SUGCT: variants seen among roughly 807,000 people sequenced by gnomAD.
SUGCT encodes the protein succinyl-CoA:glutarate-CoA transferase.
SUGCT carries 41 observed loss-of-function variants against 55.0 expected under a neutral mutation model. That is an observed-to-expected ratio of 0.74 (90% CI 0.58 to 0.97). The LOEUF is 0.97. Ranked by LOEUF, SUGCT falls within the 50% of genes least tolerant of loss-of-function variation. The pLI is 0.00. For synonymous variants in SUGCT, 187 were observed against 200.4 expected, an observed-to-expected ratio of 0.93 and a Z score of 0.56; for missense variants, 568 against 547.8, an observed-to-expected ratio of 1.04 and a Z score of -0.37.
chr7:40,230,337 T>G (rs1033645288), intron 6 of SUGCT, among the ~76,000 whole-genome samples: 1 of 152,182 alleles, frequency 6.6e-6, no homozygotes, highest in African/African-American at 2.4e-5. Context: ...AGATAAGATA[T>G]AGGTAGTGAG....
intron 12 of SUGCT, among the ~76,000 whole-genome samples, chr7:40,601,610 G>A (rs147677940): frequency 6.6e-6 from 1 of 152,182 alleles, no homozygotes; most frequent in Non-Finnish European, 1.5e-5. Flanking sequence ...GACAACAGCA[G>A]CTCTGCATGA....
At position 40,650,306 on chromosome 7, in the gene SUGCT, A is replaced by G. The variant is rs141396935; in HGVS notation, c.1090-99128A>G. ...TTCTATTCATTAGAAGGGGATAACT[A>G]AATTCAATCTGTGCTCAAAGGGGGG... On this transcript the variant is annotated intron_variant, in intron 12 of 13. Coordinates refer to ENST00000335693, the MANE Select transcript of SUGCT (RefSeq NM_001193313.2). Among the ~76,000 whole-genome samples, 244 of 152,266 alleles carry G rather than the reference A, an allele frequency of 1.6e-3. 1 individual carries two copies. Among genetic ancestry groups the G allele is most frequent in the African/African-American group, 5.7e-3 (236 of 41,542 alleles).
At chr7:40,728,351 T>C (rs1786714964) in intron 12 of SUGCT, among the ~76,000 whole-genome samples, 1 of 152,064 alleles carries the variant, frequency 6.6e-6, no homozygotes, top group East Asian at 1.9e-4. Context: ...AAACACTGTC[T>C]CTACTAAAAA....
chr7:40,244,308 A>G (rs1420629477), intron 7 of SUGCT, among the ~76,000 whole-genome samples: 1 of 152,214 alleles, frequency 6.6e-6, no homozygotes, highest in African/African-American at 2.4e-5. Flanking sequence ...ACATTCCTAG[A>G]CATTCCCAGG....
chr7:40,570,359 A>G (rs1417306581), intron 12 of SUGCT, among the ~76,000 whole-genome samples: 2 of 152,206 alleles, frequency 1.3e-5, no homozygotes, highest in Admixed American at 6.5e-5. Context: ...AGGCCCAGCC[A>G]TGTTGAGAAT....
intron 12 of SUGCT, among the ~76,000 whole-genome samples, chr7:40,675,572 A>G (rs977697022): frequency 6.6e-6 from 1 of 152,212 alleles, no homozygotes; most frequent in African/African-American, 2.4e-5. Flanking sequence ...AGAAACGTCT[A>G]GTGAGGCCAC....
rs117949667 is a variant in SUGCT, at chr7:40,505,444, A to G, written c.1089+9058A>G. ...TTTTTTACCCCTCTGCTGCCACTTT[A>G]TTGCCTTCTTTTGTACTAAGCTGGT... On this transcript the variant is annotated intron_variant, in intron 12 of 13. Transcript: ENST00000335693. 3.4e-4 allele frequency among the ~76,000 whole-genome samples: 51 copies of G among 151,958 alleles called. No individual in the cohort carries two copies. The East Asian group carries it at 8.7e-3, about 26-fold the overall frequency.
intron 13 of SUGCT, among the ~76,000 whole-genome samples, chr7:40,859,460 C>A (rs1563054401): frequency 6.6e-6 from 1 of 152,174 alleles, no homozygotes. Flanking sequence ...CTATTTCCAA[C>A]AGTTCTTAAA....
intron 12 of SUGCT, among the ~76,000 whole-genome samples, chr7:40,662,422 T>A (rs1801376059): frequency 6.6e-6 from 1 of 152,178 alleles, no homozygotes; most frequent in African/African-American, 2.4e-5. Context: ...AATCATCCAA[T>A]CGCTTTTATT....
At chr7:40,250,049 A>T (rs1164040239) in intron 7 of SUGCT, among the ~76,000 whole-genome samples, 1 of 152,110 alleles carries the variant, frequency 6.6e-6, no homozygotes, top group Non-Finnish European at 1.5e-5. Context: ...GGCCTCCCAA[A>T]GTGCTGGGAT....
chr7:40,406,213 C>T (rs73324022), intron 9 of SUGCT, among the ~76,000 whole-genome samples: 1,834 of 152,162 alleles, frequency 0.012, 36 homozygotes, highest in African/African-American at 0.041. Context: ...GTCTGGATGA[C>T]GCCAGCTGGT....
chr7:40,670,191 A>AG (rs1554399139), intron 12 of SUGCT, among the ~76,000 whole-genome samples: 4 of 148,664 alleles, frequency 2.7e-5, no homozygotes, highest in Non-Finnish European at 6.0e-5. Context: ...AAAAAAAAAA[A>AG]AAGAAGAAGA....
the SUGCT span, among the ~76,000 whole-genome samples, chr7:40,999,694 C>T: frequency 3.3e-5 from 5 of 152,088 alleles, no homozygotes; most frequent in African/African-American, 9.7e-5. Flanking sequence ...TTCTAAAGTC[C>T]GCTACCCGAA....
At chr7:41,017,138 T>C in the SUGCT span, among the ~76,000 whole-genome samples, 1 of 152,222 alleles carries the variant, frequency 6.6e-6, no homozygotes, top group African/African-American at 2.4e-5. Flanking sequence ...CTTCAACCTT[T>C]TTTTTTCTTG....
At chr7:40,984,802 C>T in the SUGCT span, among the ~76,000 whole-genome samples, 6 of 152,202 alleles carry the variant, frequency 3.9e-5, no homozygotes, top group South Asian at 4.2e-4. Flanking sequence ...TTTTTGGTAT[C>T]GTGCAGCCTT....
At chr7:40,610,635 C>T (rs907823114) in intron 12 of SUGCT, among the ~76,000 whole-genome samples, 4 of 152,190 alleles carry the variant, frequency 2.6e-5, no homozygotes, top group Non-Finnish European at 5.9e-5. Context: ...ACCTCATCTG[C>T]TCCCCCTTGG....
chr7:40,242,244 G>A (rs1789455661), intron 7 of SUGCT, among the ~76,000 whole-genome samples: 1 of 151,340 alleles, frequency 6.6e-6, no homozygotes, highest in East Asian at 2.0e-4. Context: ...CACAATCTCG[G>A]CTCACTGCAG....
chr7:40,568,320 T>TAC (rs1055802059), intron 12 of SUGCT, among the ~76,000 whole-genome samples: 6 of 151,732 alleles, frequency 4.0e-5, no homozygotes, highest in African/African-American at 4.8e-5. Flanking sequence ...TTATCAGTGA[T>TAC]ACACACACAC....
At chr7:40,429,146 G>A (rs1787758133) in intron 9 of SUGCT, among the ~76,000 whole-genome samples, 1 of 151,328 alleles carries the variant, frequency 6.6e-6, no homozygotes, top group East Asian at 1.9e-4. Flanking sequence ...ATTGTGGCAA[G>A]AGCAGCTAAA....
Sources: allele counts gnomAD v4.1 joint callset (sites outside exome capture counted in the v4.1 genomes callset), GRCh38; gene constraint gnomAD v4.1.1; transcripts MANE v1.5; gene names NCBI Gene and HGNC (gene_info 2026-07-23, HGNC 2026-07-21).